Variants in UGT1A6 observed in about 807,000 individuals in gnomAD.
UGT1A6 encodes UDP-glucuronosyltransferase 1A6.
In UGT1A6, 32 loss-of-function variants were observed where a neutral mutation model predicts 44.4. That is an observed-to-expected ratio of 0.72 (90% confidence interval 0.54 to 0.97). UGT1A6 has a LOEUF of 0.97. Among genes scored for constraint, UGT1A6 ranks in the 50% least tolerant of loss-of-function variants. The pLI is 0.00. For synonymous variants in UGT1A6, 238 were observed against 248.5 expected, an observed-to-expected ratio of 0.96 and a Z score of 0.40; for missense variants, 685 against 661.9, an observed-to-expected ratio of 1.03 and a Z score of -0.38.
chr2:233,719,411 A>G, intron 1 of UGT1A6: 1 of 1,613,946 alleles, frequency 6.2e-7, no homozygotes. Context: ...TTCCTAAGTT[A>G]CTAACGACCA....
At chr2:233,757,535 A>AATATATATACATATACATATATACATAT (rs376887521) in intron 1 of UGT1A6, among the ~76,000 whole-genome samples, 1 of 88,312 alleles carries the variant, frequency 1.1e-5, no homozygotes, top group African/African-American at 5.0e-5. Context: ...GCCTGTAAGG[A>AATATATATACATATACATATATACATAT]ATATATATAT....
intron 1 of UGT1A6, chr2:233,748,079 G>C: frequency 6.2e-7 from 1 of 1,613,192 alleles, no homozygotes; most frequent in Non-Finnish European, 8.5e-7. Context: ...CACTATCTCA[G>C]GTCGGTGTTC....
At chr2:233,737,195 G>A (rs1395224472) in intron 1 of UGT1A6, among the ~76,000 whole-genome samples, 2 of 152,236 alleles carry the variant, frequency 1.3e-5, no homozygotes, top group African/African-American at 4.8e-5. Flanking sequence ...CCCTTGCTGA[G>A]CTGCGGTGGA....
chr2:233,738,466 G>C (rs1690794725), intron 1 of UGT1A6, among the ~76,000 whole-genome samples: 1 of 152,190 alleles, frequency 6.6e-6, no homozygotes, highest in Non-Finnish European at 1.5e-5. Context: ...GGGAAAGTTT[G>C]GAACTTCCTG....
intron 1 of UGT1A6, among the ~76,000 whole-genome samples, chr2:233,707,191 C>T (rs976926305): frequency 6.3e-4 from 96 of 152,212 alleles, no homozygotes; most frequent in African/African-American, 2.1e-3. Flanking sequence ...GCCTGCCCTC[C>T]GTTCTATTCC....
At chr2:233,741,284 A>G (rs1443656037) in intron 1 of UGT1A6, among the ~76,000 whole-genome samples, 2 of 151,828 alleles carry the variant, frequency 1.3e-5, no homozygotes, top group South Asian at 2.1e-4. Flanking sequence ...AATGGGATTT[A>G]TGTACCCAAT....
At chr2:233,715,057 T>C (rs1032772184) in intron 1 of UGT1A6, among the ~76,000 whole-genome samples, 2 of 152,140 alleles carry the variant, frequency 1.3e-5, no homozygotes. Flanking sequence ...TCTTTTTTTT[T>C]GTATTTTTTA....
intron 1 of UGT1A6, among the ~76,000 whole-genome samples, chr2:233,699,498 C>T (rs899655583): frequency 6.6e-6 from 1 of 152,166 alleles, no homozygotes; most frequent in South Asian, 2.1e-4. Flanking sequence ...ACTTGTAATA[C>T]AAAGAACTGT....
Position 233,712,878 on chromosome 2 carries a change from C to T in UGT1A6, c.861+19013C>T, listed in dbSNP as rs555357132. ...TAACTGGAGGAGGGCACTCTGTCTT[C>T]AATTACATGTTGATTTGCTAGGTGT... On this transcript the variant is annotated intron_variant, in intron 1 of 4. Transcript: ENST00000305139. The T allele has an allele frequency of 2.2e-5, 35 of 1,595,112 alleles. No homozygotes were observed. The African/African-American group carries it at 3.5e-4, about 16-fold the overall frequency.
chr2:233,754,909 T>C (rs754885290), intron 1 of UGT1A6: 1 of 1,353,004 alleles, frequency 7.4e-7, no homozygotes, highest in Non-Finnish European at 9.9e-7. Flanking sequence ...CCCAAAATAT[T>C]CTCCAGCGGG....
intron 1 of UGT1A6, among the ~76,000 whole-genome samples, chr2:233,722,899 G>A (rs1015320069): frequency 7.8e-6 from 1 of 128,092 alleles, no homozygotes; most frequent in Non-Finnish European, 1.7e-5. Flanking sequence ...AGTGGAAGTG[G>A]ATCATCATAA....
rs747062491 is a variant in UGT1A6 at position 233,767,878 on chromosome 2, A to T, written c.1023A>T (p.Pro341=). The change falls in exon 3 of 5, where the codon CCA becomes CCT. Residue 341 remains proline, a synonymous_variant. Coordinates refer to ENST00000305139, the MANE Select transcript of UGT1A6 (RefSeq NM_001072.4). ...TGTGGCGGTACACTGGAACCCGACC[A>T]TCGAATCTTGCGAACAACACGATAC... ...TVLWRYTGTR[P]SNLANNTILV... The T allele has an allele frequency of 2.0e-4, 328 of 1,614,032 alleles. No individual in the cohort carries two copies. Among genetic ancestry groups the T allele is most frequent in the Non-Finnish European group, 2.7e-4 (318 of 1,180,042 alleles).
intron 1 of UGT1A6, chr2:233,753,657 TTGTG>T (rs1007260491): frequency 1.3e-5 from 2 of 152,228 alleles, no homozygotes; most frequent in African/African-American, 4.8e-5. Context: ...ACTTTCTCAA[TTGTG>T]TGTATGGTGC....
At chr2:233,741,857 T>C (rs1691796983) in intron 1 of UGT1A6, 1 of 151,956 alleles carries the variant, frequency 6.6e-6, no homozygotes, top group Non-Finnish European at 1.5e-5. Flanking sequence ...TCATGCCTTA[T>C]GCAAACCTTT....
At chr2:233,743,793 C>A (rs768890081) in intron 1 of UGT1A6, 2 of 1,367,374 alleles carry the variant, frequency 1.5e-6, no homozygotes, top group Admixed American at 3.8e-5. Flanking sequence ...CTCCTCTCCG[C>A]TTCCTCCTTG....
At chr2:233,692,660 C>T (rs1455242812), upstream of UGT1A6, among the ~76,000 whole-genome samples, 4 of 152,146 alleles carry the variant, frequency 2.6e-5, no homozygotes, top group East Asian at 1.9e-4. Context: ...CCAGCAAGTT[C>T]GGGATAGAGA....
chr2:233,729,197 C>A, intron 1 of UGT1A6: 1 of 1,614,002 alleles, frequency 6.2e-7, no homozygotes, highest in Non-Finnish European at 8.5e-7. Context: ...AGTGTCCAGC[C>A]CTGGGCTGAG....
At chr2:233,704,886 C>A (rs2075811703) in intron 1 of UGT1A6, among the ~76,000 whole-genome samples, 1 of 152,124 alleles carries the variant, frequency 6.6e-6, no homozygotes, top group Admixed American at 6.5e-5. Context: ...GTAATCCCAG[C>A]ACTTTGGAAG....
rs368401609 is a variant in UGT1A6 at position 233,757,130 on chromosome 2, G to C, written c.862-9904G>C. 6.6e-5 allele frequency among the ~76,000 whole-genome samples: 10 copies of C among 151,528 alleles called. No homozygotes were observed. The East Asian group carries it at 9.8e-4, about 15-fold the overall frequency. ...AGCAGAAGGGCTAGAGAGGAGGAAT[G>C]AGCTTGGACAGGTGGGCTGGGGTCT... On this transcript the variant is annotated intron_variant, in intron 1 of 4. Coordinates refer to ENST00000305139, the MANE Select transcript of UGT1A6 (RefSeq NM_001072.4).
Sources: gnomAD v4.1 joint callset for allele counts (sites outside exome capture counted in the v4.1 genomes callset) on GRCh38, gnomAD v4.1.1 for gene constraint, MANE v1.5 for transcripts, NCBI Gene and HGNC (gene_info 2026-07-23, HGNC 2026-07-21) for gene names.